CNTN4: variants seen among roughly 807,000 people sequenced by gnomAD.
CNTN4 encodes contactin-4.
In CNTN4, 77 loss-of-function variants were observed where a neutral mutation model predicts 122.5. The observed-to-expected ratio is 0.63, with a 90% CI of 0.52 to 0.76. The LOEUF (loss-of-function observed/expected upper bound fraction) is 0.76. Ranked by LOEUF, CNTN4 falls within the 30% of genes least tolerant of loss-of-function variation. The pLI, the probability that CNTN4 is intolerant of heterozygous loss-of-function variation, is 0.00. For missense variants in CNTN4, 1,256 were observed against 1,259.1 expected (o/e 1.00, Z 0.04); for synonymous variants, 512 against 447.0 (o/e 1.15, Z -1.83).
At chr3:2,245,218 G>A (rs961472444) in intron 2 of CNTN4, among the ~76,000 whole-genome samples, 1 of 151,994 alleles carries the variant, frequency 6.6e-6, no homozygotes, top group Non-Finnish European at 1.5e-5. Flanking sequence ...CTTAGTAGAA[G>A]ATAAAGTCAC....
At chr3:2,212,175 A>G (rs563035989) in intron 2 of CNTN4, among the ~76,000 whole-genome samples, 5 of 151,972 alleles carry the variant, frequency 3.3e-5, no homozygotes, top group African/African-American at 1.2e-4. Context: ...GGGTCTCACT[A>G]TGTTGACCAG....
intron 16 of CNTN4, among the ~76,000 whole-genome samples, chr3:3,032,251 G>A (rs1055086069): frequency 1.3e-5 from 2 of 152,000 alleles, no homozygotes; most frequent in Non-Finnish European, 2.9e-5. Flanking sequence ...CCTCCCCTTG[G>A]GAACAAAAGA....
intron 3 of CNTN4, among the ~76,000 whole-genome samples, chr3:2,461,532 G>A (rs1053437117): frequency 6.6e-6 from 1 of 152,134 alleles, no homozygotes; most frequent in African/African-American, 2.4e-5. Flanking sequence ...CACCCACGTG[G>A]TCTGATTCTA....
chr3:2,897,477 A>G (rs1175411861), intron 10 of CNTN4, among the ~76,000 whole-genome samples: 1 of 152,100 alleles, frequency 6.6e-6, no homozygotes, highest in Non-Finnish European at 1.5e-5. Context: ...TTCTGAAATA[A>G]TAGTATTGAA....
At chr3:3,028,903 A>T (rs892760818) in intron 15 of CNTN4, among the ~76,000 whole-genome samples, 2 of 152,034 alleles carry the variant, frequency 1.3e-5, no homozygotes, top group Non-Finnish European at 2.9e-5. Flanking sequence ...TATTCGTGGG[A>T]TGTGAAATAA....
At chr3:2,498,761 T>G (rs929500551) in intron 3 of CNTN4, among the ~76,000 whole-genome samples, 1 of 152,020 alleles carries the variant, frequency 6.6e-6, no homozygotes, top group Admixed American at 6.6e-5. Flanking sequence ...GTATTACATG[T>G]GTGAGCCACT....
At chr3:2,968,508 T>C (rs769494363) in intron 13 of CNTN4, among the ~76,000 whole-genome samples, 27 of 152,180 alleles carry the variant, frequency 1.8e-4, no homozygotes, top group African/African-American at 2.4e-5. Flanking sequence ...TTTGTCTGAA[T>C]TTTCTGAAAA....
At chr3:2,232,142 A>G (rs1365574177) in intron 2 of CNTN4, among the ~76,000 whole-genome samples, 1 of 152,148 alleles carries the variant, frequency 6.6e-6, no homozygotes, top group Non-Finnish European at 1.5e-5. Context: ...TCACATCATC[A>G]TCGTCATCCA....
chr3:2,516,209 A>C (rs1000301340), intron 3 of CNTN4, among the ~76,000 whole-genome samples: 3 of 152,032 alleles, frequency 2.0e-5, no homozygotes, highest in Non-Finnish European at 4.4e-5. Flanking sequence ...CAGAGTATAA[A>C]ATTAATTTTC....
At chr3:2,558,059 AAG>A (rs1177401895) in intron 3 of CNTN4, among the ~76,000 whole-genome samples, 2 of 152,210 alleles carry the variant, frequency 1.3e-5, no homozygotes, top group Non-Finnish European at 2.9e-5. Context: ...TAAAAACAAA[AAG>A]ATATTAAAAA....
intron 4 of CNTN4, among the ~76,000 whole-genome samples, chr3:2,712,462 C>T (rs1386063397): frequency 6.6e-6 from 1 of 151,970 alleles, no homozygotes; most frequent in Non-Finnish European, 1.5e-5. Flanking sequence ...GATTAAGATC[C>T]CTGTAACAGA....
chr3:2,613,325 A>G (rs1336422228), intron 4 of CNTN4, among the ~76,000 whole-genome samples: 5 of 152,160 alleles, frequency 3.3e-5, no homozygotes, highest in Non-Finnish European at 5.9e-5. Context: ...ATTCCTGGCA[A>G]GGAAAAGGAT....
chr3:2,488,580 T>C (rs945240094), intron 3 of CNTN4, among the ~76,000 whole-genome samples: 3 of 152,204 alleles, frequency 2.0e-5, no homozygotes, highest in African/African-American at 7.2e-5. Context: ...AAATCATTTG[T>C]TTTGATTAAT....
chr3:2,834,316 G>A (rs538121298), intron 7 of CNTN4, among the ~76,000 whole-genome samples: 3 of 152,028 alleles, frequency 2.0e-5, no homozygotes, highest in African/African-American at 7.2e-5. Context: ...TGTAATCCCA[G>A]CACTTTGGGA....
At chr3:2,330,473 T>C (rs563016311) in intron 2 of CNTN4, among the ~76,000 whole-genome samples, 17 of 152,168 alleles carry the variant, frequency 1.1e-4, no homozygotes, top group Non-Finnish European at 2.1e-4. Flanking sequence ...AAAAGACTTA[T>C]CACTTTGGAG....
intron 6 of CNTN4, among the ~76,000 whole-genome samples, chr3:2,747,346 T>G (rs373116991): frequency 6.6e-6 from 1 of 151,148 alleles, no homozygotes; most frequent in Non-Finnish European, 1.5e-5. Context: ...GAGGCGGAGC[T>G]TGCAGTGAGC....
chr3:2,671,024 C>T (rs1364513195), intron 4 of CNTN4, among the ~76,000 whole-genome samples: 4 of 152,180 alleles, frequency 2.6e-5, no homozygotes, highest in African/African-American at 9.7e-5. Flanking sequence ...CTGCCCTTAA[C>T]ATTTTTTCCT....
intron 3 of CNTN4, among the ~76,000 whole-genome samples, chr3:2,466,311 A>T (rs2075494485): frequency 6.6e-6 from 1 of 152,166 alleles, no homozygotes; most frequent in South Asian, 2.1e-4. Flanking sequence ...TAAACCTAAG[A>T]CTGTTTTCTT....
chr3:2,935,612 T>G (rs2094560917), intron 13 of CNTN4, among the ~76,000 whole-genome samples: 1 of 152,244 alleles, frequency 6.6e-6, no homozygotes, highest in Non-Finnish European at 1.5e-5. Flanking sequence ...GAACATAACC[T>G]AATTTAAATC....
Sources: gnomAD v4.1 joint callset for allele counts (sites outside exome capture counted in the v4.1 genomes callset) on GRCh38, gnomAD v4.1.1 for gene constraint, MANE v1.5 for transcripts, NCBI Gene and HGNC (gene_info 2026-07-23, HGNC 2026-07-21) for gene names.